The following PPP2R5E variants were observed in gnomAD, a reference collection of about 807,000 sequenced individuals.
PPP2R5E encodes serine/threonine-protein phosphatase 2A 56 kDa regulatory subunit epsilon isoform.
In PPP2R5E, 4 loss-of-function variants were observed where a neutral mutation model predicts 65.3. The observed-to-expected ratio is 0.06, with a 90% CI of 0.03 to 0.14. PPP2R5E has a LOEUF of 0.14. PPP2R5E is among the 10% of genes least tolerant of loss of function. The pLI is 1.00. For missense variants in PPP2R5E, 274 were observed against 556.1 expected, an observed-to-expected ratio of 0.49 and a Z score of 5.10; for synonymous variants, 183 against 187.4, an observed-to-expected ratio of 0.98 and a Z score of 0.19.
intron 13 of PPP2R5E, among the ~76,000 whole-genome samples, chr14:63,379,836 T>C (rs981471966): frequency 4.6e-5 from 6 of 130,720 alleles, no homozygotes; most frequent in African/African-American, 1.7e-4. Flanking sequence ...CTTTTTTTTT[T>C]TTTTTTTTTT....
At chr14:63,530,877 A>G (rs575082633) in intron 2 of PPP2R5E, among the ~76,000 whole-genome samples, 1 of 152,204 alleles carries the variant, frequency 6.6e-6, no homozygotes, top group African/African-American at 2.4e-5. Flanking sequence ...TCAGCCTCCC[A>G]AAGTGCTGGG....
At chr14:63,458,330 C>T (rs140467677) in intron 2 of PPP2R5E, among the ~76,000 whole-genome samples, 88 of 152,326 alleles carry the variant, frequency 5.8e-4, no homozygotes, top group Non-Finnish European at 1.1e-3. Flanking sequence ...CATCATTCCA[C>T]CCTATCTAAT....
intron 5 of PPP2R5E, among the ~76,000 whole-genome samples, chr14:63,412,897 A>T (rs1036186333): frequency 6.6e-6 from 1 of 152,222 alleles, no homozygotes; most frequent in African/African-American, 2.4e-5. Context: ...CAAAGGGTGA[A>T]CACAAAAGCT....
chr14:63,517,205 TA>T (rs912654947), intron 2 of PPP2R5E, among the ~76,000 whole-genome samples: 5 of 151,792 alleles, frequency 3.3e-5, no homozygotes, highest in African/African-American at 1.2e-4. Flanking sequence ...CAGCCTTGCT[TA>T]AAAAAAATAA....
At chr14:63,434,967 G>A (rs1887881267) in intron 3 of PPP2R5E, among the ~76,000 whole-genome samples, 1 of 152,038 alleles carries the variant, frequency 6.6e-6, no homozygotes, top group Admixed American at 6.6e-5. Context: ...TCCACATAAT[G>A]GAGTGTTAGG....
At chr14:63,536,570 A>G (rs1254683163) in intron 2 of PPP2R5E, among the ~76,000 whole-genome samples, 1 of 152,256 alleles carries the variant, frequency 6.6e-6, no homozygotes, top group African/African-American at 2.4e-5. Context: ...GTATCTGTAC[A>G]TCATGGTCAC....
intron 2 of PPP2R5E, among the ~76,000 whole-genome samples, chr14:63,529,697 C>T (rs1040856237): frequency 6.6e-5 from 10 of 152,076 alleles, no homozygotes; most frequent in Non-Finnish European, 1.3e-4. Context: ...TTTCTAAAGT[C>T]ATCAAGGAAG....
intron 2 of PPP2R5E, among the ~76,000 whole-genome samples, chr14:63,499,568 G>A (rs1443962663): frequency 6.6e-6 from 1 of 152,036 alleles, no homozygotes; most frequent in Admixed American, 6.5e-5. Flanking sequence ...TACTAAAAAT[G>A]CAAAAATTAG....
At chr14:63,400,360 A>G (rs1303298871) in intron 5 of PPP2R5E, among the ~76,000 whole-genome samples, 3 of 152,214 alleles carry the variant, frequency 2.0e-5, no homozygotes, top group Non-Finnish European at 4.4e-5. Context: ...TGGAGTGATC[A>G]GCAAAGGCTT....
At chr14:63,449,137 A>T (rs901931189) in intron 3 of PPP2R5E, among the ~76,000 whole-genome samples, 36 of 152,314 alleles carry the variant, frequency 2.4e-4, no homozygotes, top group Admixed American at 1.4e-3. Context: ...AGTATTTCAT[A>T]AAAAACACTA....
chr14:63,395,324 G>A (rs759443628), intron 6 of PPP2R5E, 39 bp from the exon 7 acceptor site: 1 of 1,428,362 alleles, frequency 7.0e-7, no homozygotes, highest in Non-Finnish European at 9.8e-7. Context: ...AAGGAGGAGA[G>A]GAGGAGGAGA....
At chr14:63,403,470 T>C (rs866664031) in intron 5 of PPP2R5E, among the ~76,000 whole-genome samples, 38 of 150,818 alleles carry the variant, frequency 2.5e-4, no homozygotes, top group African/African-American at 8.7e-4. Flanking sequence ...ATCCCATTCA[T>C]GCTTTCTTAG....
chr14:63,415,482 A>C (rs1238617953), intron 4 of PPP2R5E, among the ~76,000 whole-genome samples: 1 of 152,216 alleles, frequency 6.6e-6, no homozygotes, highest in Non-Finnish European at 1.5e-5. Context: ...ATTCAGAGAC[A>C]ACCACTGTTA....
At chr14:63,407,093 T>C (rs910456707) in intron 5 of PPP2R5E, among the ~76,000 whole-genome samples, 1 of 152,250 alleles carries the variant, frequency 6.6e-6, no homozygotes, top group African/African-American at 2.4e-5. Context: ...TATAGGTATT[T>C]AGTTGTTAAA....
chr14:63,427,745 C>T (rs1214282063), intron 3 of PPP2R5E, among the ~76,000 whole-genome samples: 1 of 152,218 alleles, frequency 6.6e-6, no homozygotes, highest in Non-Finnish European at 1.5e-5. Flanking sequence ...GACAACCCCT[C>T]TTCAAAGACA....
At position 63,374,923 on chromosome 14, in the gene PPP2R5E, T is replaced by C. The variant is rs953843597; in HGVS notation, c.*1086A>G. The C allele has an allele frequency of 3.3e-5, 5 of 152,406 alleles. No homozygotes were observed. The highest frequency in any genetic ancestry group is 1.2e-4 in the African/African-American group (5 of 41,368). The allele number at this position is 152,406 out of a possible 1,614,324, so 9.4% of individuals were successfully genotyped here. ...CCGGCTAAAAACAGGGCTGGCGCTG[T>C]GATGAGATATAGAACGAGAATCTAC... On this transcript the variant is annotated 3_prime_UTR_variant, in exon 14 of 14. Transcript: ENST00000337537.
chr14:63,430,401 G>A (rs113901671), intron 3 of PPP2R5E, among the ~76,000 whole-genome samples: 9,184 of 143,372 alleles, frequency 0.064, 362 homozygotes, highest in African/African-American at 0.11. Flanking sequence ...ATACATACAT[G>A]CATACATACA....
chr14:63,429,923 A>T (rs993645640), intron 3 of PPP2R5E, among the ~76,000 whole-genome samples: 1 of 151,978 alleles, frequency 6.6e-6, no homozygotes, highest in Non-Finnish European at 1.5e-5. Flanking sequence ...ACCTCAGGCG[A>T]TCCACCCGCC....
intron 5 of PPP2R5E, among the ~76,000 whole-genome samples, chr14:63,401,290 A>G (rs769467115): frequency 4.6e-5 from 7 of 152,194 alleles, no homozygotes; most frequent in Non-Finnish European, 8.8e-5. Context: ...GAGTGTGCTT[A>G]GTCATATCTA....
Sources: allele counts gnomAD v4.1 joint callset (sites outside exome capture counted in the v4.1 genomes callset), GRCh38; gene constraint gnomAD v4.1.1; transcripts MANE v1.5; gene names NCBI Gene and HGNC (gene_info 2026-07-23, HGNC 2026-07-21).